The following PEX5L variants were observed in gnomAD, a reference collection of about 807,000 sequenced individuals.
PEX5L encodes the protein PEX5-related protein.
A neutral mutation model predicts 84.0 loss-of-function variants in PEX5L; 30 were observed. That is an observed-to-expected ratio of 0.36 (90% CI 0.27 to 0.48). PEX5L has a LOEUF of 0.48. PEX5L is among the 20% of genes least tolerant of loss of function. The pLI, the probability that PEX5L is intolerant of heterozygous loss-of-function variation, is 0.99. For missense variants in PEX5L, 533 were observed against 754.6 expected (o/e 0.71, Z 3.44); for synonymous variants, 270 against 283.1 (o/e 0.95, Z 0.46).
chr3:179,967,400 A>G (rs1353577240), intron 2 of PEX5L, among the ~76,000 whole-genome samples: 1 of 152,206 alleles, frequency 6.6e-6, no homozygotes, highest in Non-Finnish European at 1.5e-5. Context: ...AATTAAAATG[A>G]CATAAATGTT....
intron 3 of PEX5L, chr3:179,888,224 A>T: frequency 1.6e-6 from 2 of 1,224,010 alleles, no homozygotes; most frequent in South Asian, 1.3e-5. Context: ...GAGTGCAAAC[A>T]CACGGATCAG....
intron 2 of PEX5L, among the ~76,000 whole-genome samples, chr3:179,966,983 T>C (rs1232966981): frequency 6.6e-6 from 1 of 152,196 alleles, no homozygotes; most frequent in Non-Finnish European, 1.5e-5. Context: ...TTTATTTACA[T>C]TTGCTTTAAG....
At chr3:180,026,054 A>T (rs1247558990) in intron 1 of PEX5L, among the ~76,000 whole-genome samples, 2 of 151,576 alleles carry the variant, frequency 1.3e-5, no homozygotes, top group African/African-American at 4.9e-5. Context: ...GCTCTTAAGC[A>T]CTATGTTTTG....
intron 1 of PEX5L, among the ~76,000 whole-genome samples, chr3:179,997,829 T>C (rs1454179132): frequency 6.6e-6 from 1 of 152,200 alleles, no homozygotes; most frequent in Non-Finnish European, 1.5e-5. Context: ...TCCATTCCTG[T>C]CCATAAGGCC....
chr3:179,949,218 A>T (rs9847354), intron 2 of PEX5L, among the ~76,000 whole-genome samples: 54,762 of 149,864 alleles, frequency 0.37, 10,704 homozygotes, highest in Non-Finnish European at 0.45. Context: ...GTAGATTTTT[A>T]AAAAAAAAAT....
Position 179,932,437 on chromosome 3 carries a change from A to C in PEX5L, c.94-34191T>G, listed in dbSNP as rs114757514. ...AAATTAGACCAAAAAAGTCCCAAAC[A>C]AAACAACCCTACCTCCCCAGAAAAG... On this transcript the variant is annotated intron_variant, in intron 2 of 14. Transcript: ENST00000467460. 9.9e-3 allele frequency among the ~76,000 whole-genome samples: 1,508 copies of C among 152,292 alleles called. 23 individuals carry two copies. The highest frequency in any genetic ancestry group is 0.035 in the African/African-American group (1,441 of 41,566).
chr3:179,976,298 G>A (rs1341135346), intron 1 of PEX5L, among the ~76,000 whole-genome samples: 1 of 152,194 alleles, frequency 6.6e-6, no homozygotes, highest in Non-Finnish European at 1.5e-5. Context: ...TTGGCATTTT[G>A]GAAGTCATTA....
chr3:179,971,744 T>C (rs1784802928), intron 1 of PEX5L, 79 bp from the exon 2 acceptor site: 2 of 1,372,548 alleles, frequency 1.5e-6, no homozygotes, highest in East Asian at 5.3e-5. Flanking sequence ...TTTTTAAAGA[T>C]AAAAGTCTTA....
At chr3:179,947,925 C>G (rs989613548) in intron 2 of PEX5L, among the ~76,000 whole-genome samples, 1 of 151,984 alleles carries the variant, frequency 6.6e-6, no homozygotes, top group African/African-American at 2.4e-5. Context: ...CCAGGATGGT[C>G]TCGATCTCCT....
At position 179,980,781 on chromosome 3, in the gene PEX5L, C is replaced by T. The variant is rs184395239; in HGVS notation, c.22-9116G>A. 1.2e-4 allele frequency among the ~76,000 whole-genome samples: 19 copies of T among 152,216 alleles called. No homozygotes were observed. In the East Asian group the frequency reaches 3.7e-3, roughly 29 times the overall value. ...AGTTGGCCAGGAGCGGTGGCTCACA[C>T]CTGTAATCCCAGCACTTTGGGAGGC... On this transcript the variant is annotated intron_variant, in intron 1 of 14. Transcript: ENST00000467460.
intron 8 of PEX5L, among the ~76,000 whole-genome samples, chr3:179,824,272 G>C (rs866352853): frequency 6.6e-6 from 1 of 152,098 alleles, no homozygotes. Flanking sequence ...ATCAATGTGA[G>C]ATTAAGTGCC....
At chr3:179,920,037 C>A (rs1768759895) in intron 2 of PEX5L, among the ~76,000 whole-genome samples, 1 of 152,314 alleles carries the variant, frequency 6.6e-6, no homozygotes, top group Non-Finnish European at 1.5e-5. Context: ...TTTAGAAGTG[C>A]TTGCCTTTCT....
chr3:179,925,213 A>T (rs1478630482), intron 2 of PEX5L, among the ~76,000 whole-genome samples: 3 of 152,182 alleles, frequency 2.0e-5, no homozygotes, highest in African/African-American at 7.2e-5. Flanking sequence ...ATTTTTCTTA[A>T]TTTAATTTTT....
intron 4 of PEX5L, among the ~76,000 whole-genome samples, chr3:179,884,065 T>C (rs1256449787): frequency 1.3e-5 from 2 of 152,190 alleles, no homozygotes; most frequent in Non-Finnish European, 2.9e-5. Context: ...CTACATAACA[T>C]TTCTGTGAAA....
At chr3:179,855,249 A>T (rs1410134988) in intron 8 of PEX5L, among the ~76,000 whole-genome samples, 2 of 152,250 alleles carry the variant, frequency 1.3e-5, no homozygotes, top group East Asian at 3.8e-4. Context: ...AGAACGTTGG[A>T]ATCAGATGAT....
Position 179,940,423 on chromosome 3 carries a change from T to C in PEX5L, c.93+31171A>G, listed in dbSNP as rs534050769. Among the ~76,000 whole-genome samples, 5 of 152,098 alleles carry C rather than the reference T, an allele frequency of 3.3e-5. No homozygotes were observed. The East Asian group carries it at 7.7e-4, about 24-fold the overall frequency. On this transcript the variant is annotated intron_variant, in intron 2 of 14. Coordinates refer to ENST00000467460, the MANE Select transcript of PEX5L (RefSeq NM_016559.3). ...GGGGATGTGGAGACGTTTAATGAGA[T>C]GGAAAGAGACCTACAGAAGGCTTTT...
intron 3 of PEX5L, among the ~76,000 whole-genome samples, chr3:179,890,960 T>TA (rs869156148): frequency 2.0e-5 from 3 of 149,114 alleles, no homozygotes; most frequent in Admixed American, 6.8e-5. Context: ...TTACCAAAGG[T>TA]AAAAAAATTT....
intron 8 of PEX5L, among the ~76,000 whole-genome samples, chr3:179,850,567 G>C (rs1412640096): frequency 6.6e-6 from 1 of 152,166 alleles, no homozygotes; most frequent in Non-Finnish European, 1.5e-5. Context: ...TAATCAATGT[G>C]AGAGCAAAGG....
At chr3:179,893,192 T>C (rs978850619) in intron 3 of PEX5L, among the ~76,000 whole-genome samples, 4 of 152,150 alleles carry the variant, frequency 2.6e-5, no homozygotes, top group Non-Finnish European at 4.4e-5. Context: ...TAATATTAGC[T>C]ACCATATCAC....
Sources: allele counts gnomAD v4.1 joint callset (sites outside exome capture counted in the v4.1 genomes callset), GRCh38; gene constraint gnomAD v4.1.1; transcripts MANE v1.5; gene names NCBI Gene and HGNC (gene_info 2026-07-23, HGNC 2026-07-21).